PHF3: variants seen among roughly 807,000 people sequenced by gnomAD.
PHF3 encodes the protein PHD finger protein 3.
A neutral mutation model predicts 178.4 loss-of-function variants in PHF3; 41 were observed. The ratio of observed to expected loss-of-function variants is 0.23; its 90% CI spans 0.18 to 0.30. The LOEUF (loss-of-function observed/expected upper bound fraction) is 0.30, where lower values mean the gene tolerates loss of function less well. PHF3 is among the 10% of genes least tolerant of loss of function. The pLI, the probability that PHF3 is intolerant of heterozygous loss-of-function variation, is 1.00. For missense variants in PHF3, 2,346 were observed against 2,398.1 expected (o/e 0.98, Z 0.45); for synonymous variants, 842 against 800.5 (o/e 1.05, Z -0.88).
chr6:63,687,168 G>A (rs900795575), intron 4 of PHF3, among the ~76,000 whole-genome samples: 6 of 152,174 alleles, frequency 3.9e-5, no homozygotes, highest in African/African-American at 1.4e-4. Flanking sequence ...TGTAATCCCA[G>A]CACTTTGGGA....
chr6:63,687,418 T>C (rs1281675424), intron 4 of PHF3, among the ~76,000 whole-genome samples: 1 of 152,180 alleles, frequency 6.6e-6, no homozygotes, highest in Non-Finnish European at 1.5e-5. Context: ...TGAGACTGTC[T>C]CCATAAATAA....
chr6:63,684,998 A>C lies in PHF3; in HGVS notation c.1276A>C (p.Thr426Pro), dbSNP rs1169519722. 6.2e-7 allele frequency: 1 copy of C among 1,614,106 alleles called. No homozygotes were observed. Among genetic ancestry groups the C allele is most frequent in the Non-Finnish European group, 8.5e-7 (1 of 1,179,980 alleles). ...FNKSNLEVVD[T>P]STFGPESNIL... ...TAAATCAAACTTAGAGGTGGTTGAT[A>C]CTAGTACTTTTGGACCGGAAAGTAA... Residue 426 changes from threonine (T) to proline (P), a missense_variant, in exon 4 of 16, where the codon ACT becomes CCT. Around this residue, in one of 8 missense-constraint regions of PHF3, gnomAD observed 843 missense variants for 795.2 expected, o/e 1.06. Coordinates refer to ENST00000262043, the MANE Select transcript of PHF3 (RefSeq NM_001370348.2).
chr6:63,635,868 G>C lies in PHF3; in HGVS notation c.-308G>C. The C allele has an allele frequency of 2.5e-6, 1 of 397,488 alleles. No individual in the cohort carries two copies. Among genetic ancestry groups the C allele is most frequent in the East Asian group, 3.6e-5 (1 of 27,994 alleles). 24.6% of individuals were successfully genotyped at this position (397,488 alleles called of 1,614,324 possible). On this transcript the variant is annotated 5_prime_UTR_variant, in exon 1 of 16. Coordinates refer to ENST00000262043, the MANE Select transcript of PHF3 (RefSeq NM_001370348.2). ...GCCGCCGCACGCCGATGGCTGCGGG[G>C]TCTCGCGCCGTCGCACCGTCCCCAC...
At chr6:63,638,553 A>G (rs567202795) in intron 1 of PHF3, among the ~76,000 whole-genome samples, 1 of 152,216 alleles carries the variant, frequency 6.6e-6, no homozygotes, top group African/African-American at 2.4e-5. Context: ...TTTTTGGTCA[A>G]CATTTAGGTT....
In PHF3 at chr6:63,714,754, CACT is replaced by C. The variant is rs1336859024; in HGVS notation, c.*1048_*1050del. The C allele has an allele frequency of 6.6e-6, 1 of 151,918 alleles. No homozygotes were observed. The highest frequency in any genetic ancestry group is 1.5e-5 in the Non-Finnish European group (1 of 67,950). 9.4% of individuals were successfully genotyped at this position (151,918 alleles called of 1,614,324 possible). On this transcript the variant is annotated 3_prime_UTR_variant, in exon 16 of 16. Coordinates refer to ENST00000262043, the MANE Select transcript of PHF3 (RefSeq NM_001370348.2). Reference sequence around the variant, plus strand: ...ACCATCGCAATTTGGTACTCTGACTCACTAATCATTAAAATTAAAGACCGCAGA... The same window carrying C: ...ACCATCGCAATTTGGTACTCTGACTCAATCATTAAAATTAAAGACCGCAGA...
chr6:63,637,597 A>G (rs1341031402), intron 1 of PHF3, among the ~76,000 whole-genome samples: 1 of 151,990 alleles, frequency 6.6e-6, no homozygotes, highest in East Asian at 1.9e-4. Flanking sequence ...CTCTTCATTC[A>G]TCTGTTTACT....
intron 1 of PHF3, among the ~76,000 whole-genome samples, chr6:63,642,826 C>A (rs1317539674): frequency 6.6e-6 from 1 of 152,080 alleles, no homozygotes; most frequent in East Asian, 1.9e-4. Context: ...AACAAAGATA[C>A]TAAATTGGCT....
At chr6:63,699,935 T>C (rs1767400160) in intron 8 of PHF3, among the ~76,000 whole-genome samples, 1 of 152,150 alleles carries the variant, frequency 6.6e-6, no homozygotes, top group African/African-American at 2.4e-5. Context: ...GGTTTTTTGC[T>C]CTGCAGTTTC....
At chr6:63,644,694 TGA>T (rs1034358713) in intron 1 of PHF3, among the ~76,000 whole-genome samples, 10 of 152,126 alleles carry the variant, frequency 6.6e-5, no homozygotes, top group Admixed American at 4.6e-4. Context: ...TTAACTTTTG[TGA>T]GAGAGGAATT....
chr6:63,650,096 T>C (rs759669532), intron 2 of PHF3, among the ~76,000 whole-genome samples: 2 of 152,244 alleles, frequency 1.3e-5, no homozygotes, highest in Non-Finnish European at 2.9e-5. Context: ...AAATGTTCAG[T>C]GGCTGTAAGT....
chr6:63,716,736 C>T lies in PHF3; in HGVS notation c.*3028C>T, dbSNP rs1768202451. ...GCACCCAATTTCCTTGGCTCATGAT[C>T]CCTTCCTCCATATTTGAAGCCAGCA... On this transcript the variant is annotated 3_prime_UTR_variant, in exon 16 of 16. Transcript: ENST00000262043. Among the ~76,000 whole-genome samples, 1 of 151,818 alleles carries T rather than the reference C, an allele frequency of 6.6e-6. No individual in the cohort carries two copies. Among genetic ancestry groups the T allele is most frequent in the South Asian group, 2.1e-4 (1 of 4,814 alleles).
intron 2 of PHF3, among the ~76,000 whole-genome samples, chr6:63,676,508 C>G (rs1478492757): frequency 6.6e-6 from 1 of 152,098 alleles, no homozygotes; most frequent in Admixed American, 6.5e-5. Context: ...GGGAGAAGAG[C>G]CTTCATGCAG....
chr6:63,699,983 A>G (rs572341659), intron 8 of PHF3, among the ~76,000 whole-genome samples: 1 of 152,230 alleles, frequency 6.6e-6, no homozygotes, highest in Admixed American at 6.5e-5. Flanking sequence ...TAAAATCTTA[A>G]AACTATGAAG....
At chr6:63,686,736 T>C (rs570662219) in intron 4 of PHF3, among the ~76,000 whole-genome samples, 66 of 152,350 alleles carry the variant, frequency 4.3e-4, no homozygotes, top group African/African-American at 1.6e-3. Context: ...TCAATGCTGA[T>C]ATGATAAAAG....
chr6:63,662,583 A>G (rs1378853442), intron 2 of PHF3, among the ~76,000 whole-genome samples: 1 of 151,998 alleles, frequency 6.6e-6, no homozygotes, highest in Non-Finnish European at 1.5e-5. Context: ...TAGTTGGAGG[A>G]TCTTCTCAAA....
At chr6:63,679,954 A>G in intron 2 of PHF3, 46 bp from the exon 3 acceptor site, 1 of 1,498,030 alleles carries the variant, frequency 6.7e-7, no homozygotes, top group Non-Finnish European at 9.3e-7. Flanking sequence ...ATTGCCTAAC[A>G]TTCCCAATAT....
chr6:63,680,785 A>C (rs1184325424), intron 3 of PHF3, among the ~76,000 whole-genome samples: 1 of 152,028 alleles, frequency 6.6e-6, no homozygotes, highest in African/African-American at 2.4e-5. Flanking sequence ...TGTCATATCC[A>C]TTTTATTGAA....
At position 63,694,708 on chromosome 6, in the gene PHF3, A is replaced by C; in HGVS notation, c.2624A>C (p.Lys875Thr). 6.2e-7 allele frequency: 1 copy of C among 1,601,356 alleles called. No homozygotes were observed. ...AGATCCTCAGAAGAAAAAAGTGAAA[A>C]AATACCGAAAGAGTCTACAACTGTT... ...PRRSSEEKSEKIPKESTTVTC... is the reference protein window; with the variant it reads ...PRRSSEEKSETIPKESTTVTC... Residue 875 changes from lysine to threonine, a missense_variant, in exon 6 of 16, where the codon AAA (lysine) becomes ACA (threonine). Coordinates refer to ENST00000262043, the MANE Select transcript of PHF3 (RefSeq NM_001370348.2).
intron 8 of PHF3, among the ~76,000 whole-genome samples, chr6:63,699,686 G>C (rs1582102807): frequency 6.6e-6 from 1 of 152,142 alleles, no homozygotes; most frequent in Non-Finnish European, 1.5e-5. Flanking sequence ...CCACTCCCGG[G>C]TTCAGATGAT....
Sources: allele counts gnomAD v4.1 joint callset (sites outside exome capture counted in the v4.1 genomes callset), GRCh38; gene constraint gnomAD v4.1.1; regional missense constraint gnomAD v4.1.1; transcripts MANE v1.5; gene names NCBI Gene and HGNC (gene_info 2026-07-23, HGNC 2026-07-21).